Variants in SLC25A24 observed in about 807,000 individuals in gnomAD.
The protein encoded by SLC25A24 is solute carrier family 25 member 24, also known as mitochondrial adenyl nucleotide antiporter SLC25A24.
Under a neutral mutation model 60.7 loss-of-function variants are expected in SLC25A24, and 49 were observed. That is an observed-to-expected ratio of 0.81 (90% CI 0.64 to 1.02). The LOEUF (loss-of-function observed/expected upper bound fraction) is 1.02, where lower values mean the gene tolerates loss of function less well. Ranked by LOEUF, SLC25A24 falls within the 50% of genes least tolerant of loss-of-function variation. The pLI is 0.00. For synonymous variants in SLC25A24, 202 were observed against 200.6 expected, an observed-to-expected ratio of 1.01 and a Z score of -0.06; for missense variants, 564 against 586.3, an observed-to-expected ratio of 0.96 and a Z score of 0.39.
At chr1:108,194,178 C>T (rs1648426210) in intron 1 of SLC25A24, among the ~76,000 whole-genome samples, 1 of 138,736 alleles carries the variant, frequency 7.2e-6, no homozygotes, top group African/African-American at 2.5e-5. Context: ...CCTTGAAATA[C>T]TCATAGGTTT....
intron 3 of SLC25A24, among the ~76,000 whole-genome samples, chr1:108,180,785 A>G (rs1221427096): frequency 2.6e-5 from 4 of 152,084 alleles, no homozygotes; most frequent in Non-Finnish European, 5.9e-5. Context: ...CCTGTGAAAA[A>G]CTAAATTTCC....
chr1:108,173,900 C>G (rs562658573), intron 3 of SLC25A24, among the ~76,000 whole-genome samples: 2 of 152,224 alleles, frequency 1.3e-5, no homozygotes, highest in South Asian at 4.2e-4. Flanking sequence ...CTTTTTGCCC[C>G]TGCCCTAGAG....
chr1:108,161,131 T>A (rs751929493), intron 4 of SLC25A24, 51 bp downstream of exon 4: 5 of 1,005,836 alleles, frequency 5.0e-6, no homozygotes, highest in Non-Finnish European at 7.9e-6. Flanking sequence ...GTGATAACTG[T>A]ACCTATGGTT....
intron 4 of SLC25A24, 125 bp from the exon 5 acceptor site, chr1:108,157,745 T>A: frequency 9.7e-7 from 1 of 1,031,496 alleles, no homozygotes. Context: ...GAATTTATAC[T>A]AAACCAATTT....
In SLC25A24 at chr1:108,134,278, A is replaced by G. The variant is rs1679220172; in HGVS notation, c.*2375T>C. 1 of 152,230 alleles carries G rather than the reference A, an allele frequency of 6.6e-6. No homozygotes were observed. Among genetic ancestry groups the G allele is most frequent in the African/African-American group, 2.4e-5 (1 of 41,464 alleles). The allele number at this position is 152,230 out of a possible 1,614,324, so 9.4% of individuals were successfully genotyped here. On this transcript the variant is annotated 3_prime_UTR_variant, in exon 10 of 10. Transcript: ENST00000565488. ...ATCCAGGTAAGCAAGAAGCTTACAG[A>G]AATAACTGATAAGTTATTTCTGAAG...
At chr1:108,182,164 G>C in intron 2 of SLC25A24, 136 bp from the exon 3 acceptor site, 1 of 577,742 alleles carries the variant, frequency 1.7e-6, no homozygotes, top group Non-Finnish European at 3.1e-6. Context: ...GTGAGTTATA[G>C]ACTTGCTTAA....
chr1:108,167,759 G>A (rs374736393), intron 3 of SLC25A24, among the ~76,000 whole-genome samples: 12 of 152,192 alleles, frequency 7.9e-5, no homozygotes, highest in African/African-American at 2.2e-4. Context: ...CTTCTGCGTC[G>A]CTCACGCTGG....
Position 108,145,515 on chromosome 1 carries a change from G to A in SLC25A24, c.931-1805C>T, listed in dbSNP as rs145450016. 8.6e-4 allele frequency among the ~76,000 whole-genome samples: 131 copies of A among 151,958 alleles called. 2 individuals carry two copies. The highest frequency in any genetic ancestry group is 2.9e-3 in the African/African-American group (121 of 41,474). ...CCTGTGTCCTGAATGGTATTGCCTCGGTTTTTTTCTAGGGATTTTATAGTT... is the reference window on the plus strand; with the variant it reads ...CCTGTGTCCTGAATGGTATTGCCTCAGTTTTTTTCTAGGGATTTTATAGTT... On this transcript the variant is annotated intron_variant, in intron 7 of 9. Transcript: ENST00000565488.
chr1:108,161,303 TA>T lies in SLC25A24; in HGVS notation c.399-11del. On this transcript the variant is annotated splice_polypyrimidine_tract_variant and intron_variant, in intron 3 of 9. Transcript: ENST00000565488. ...CCCATCAACATCAATGCTGAAATTT[TA>T]AAAAAATGATCAAAGTACAAAACTA... The T allele has an allele frequency of 2.9e-6, 4 of 1,396,456 alleles. No individual in the cohort carries two copies. The highest frequency in any genetic ancestry group is 4.0e-6 in the Non-Finnish European group (4 of 990,174). The allele number at this position is 1,396,456 out of a possible 1,614,324, so 86.5% of individuals were successfully genotyped here.
Position 108,154,984 on chromosome 1 carries a change from T to C in SLC25A24, c.821A>G (p.Gln274Arg), listed in dbSNP as rs1395670291. Residue 274 changes from glutamine (Q) to arginine (R), a missense_variant and splice_region_variant, in exon 6 of 10, where the codon CAG (glutamine) becomes CGG (arginine). Coordinates refer to ENST00000565488, the MANE Select transcript of SLC25A24 (RefSeq NM_013386.5). ...ETAVKFWAYE[Q>R]YKKLLTEEGQ... ...AATTCCACGGGTGATAACAATTACCTGTTCATATGCCCAGAATTTAACAGC... is the reference window on the plus strand; with the variant it reads ...AATTCCACGGGTGATAACAATTACCCGTTCATATGCCCAGAATTTAACAGC... 3.1e-6 allele frequency: 5 copies of C among 1,605,492 alleles called. No homozygotes were observed. In the Admixed American group the frequency reaches 8.6e-5, roughly 28 times the overall value.
chr1:108,192,816 T>C, intron 1 of SLC25A24: 1 of 1,242,892 alleles, frequency 8.0e-7, no homozygotes. Flanking sequence ...TCCTAACGGC[T>C]TCAGCGCAAA....
intron 1 of SLC25A24, chr1:108,192,482 C>A: frequency 6.8e-7 from 1 of 1,468,476 alleles, no homozygotes; most frequent in Non-Finnish European, 9.2e-7. Context: ...GATTACAGCC[C>A]CAGTGAGACC....
At position 108,159,475 on chromosome 1, in the gene SLC25A24, T is replaced by C. The variant is rs934440241; in HGVS notation, c.510+1707A>G. On this transcript the variant is annotated intron_variant, in intron 4 of 9. Coordinates refer to ENST00000565488, the MANE Select transcript of SLC25A24 (RefSeq NM_013386.5). Reference sequence around the variant, plus strand: ...TGCAGTCTTGGGTTGTTTTTTTTTTTTTTTTTTTAATTGATCATTCTTGGG... The same window carrying C: ...TGCAGTCTTGGGTTGTTTTTTTTTTCTTTTTTTTAATTGATCATTCTTGGG... 2.0e-5 allele frequency among the ~76,000 whole-genome samples: 3 copies of C among 151,412 alleles called. No individual in the cohort carries two copies. In the East Asian group the frequency reaches 5.8e-4, roughly 29 times the overall value.
At position 108,173,591 on chromosome 1, in the gene SLC25A24, C is replaced by T. The variant is rs576647287; in HGVS notation, c.398+8350G>A. 2.6e-5 allele frequency among the ~76,000 whole-genome samples: 4 copies of T among 152,182 alleles called. No individual in the cohort carries two copies. The South Asian group carries it at 8.3e-4, about 32-fold the overall frequency. ...GGAGTTGGGTGCTACTATAAGGATA[C>T]CCAAAAATATGGAACTGACTTTGGA... On this transcript the variant is annotated intron_variant, in intron 3 of 9. Transcript: ENST00000565488.
At chr1:108,173,723 G>T (rs369538636) in intron 3 of SLC25A24, among the ~76,000 whole-genome samples, 2 of 152,204 alleles carry the variant, frequency 1.3e-5, no homozygotes. Context: ...AAAAGAGGTG[G>T]GAAAGTTTGT....
intron 9 of SLC25A24, among the ~76,000 whole-genome samples, chr1:108,138,263 T>C (rs1041363261): frequency 2.3e-4 from 35 of 152,172 alleles, no homozygotes; most frequent in Non-Finnish European, 2.9e-5. Flanking sequence ...GGACAATGGC[T>C]CAGGGAGTAT....
intron 5 of SLC25A24, among the ~76,000 whole-genome samples, chr1:108,155,965 AC>A (rs1235873335): frequency 3.3e-5 from 5 of 151,926 alleles, no homozygotes; most frequent in Non-Finnish European, 7.4e-5. Context: ...ACACACACAC[AC>A]ACACACACAC....
chr1:108,156,036 G>A (rs829001), intron 5 of SLC25A24, among the ~76,000 whole-genome samples: 30,291 of 151,814 alleles, frequency 0.2, 3,158 homozygotes, highest in Admixed American at 0.22. Flanking sequence ...GTATGAAAAC[G>A]GGCCCCAATA....
intron 6 of SLC25A24, among the ~76,000 whole-genome samples, chr1:108,154,761 A>T (rs1018477493): frequency 3.9e-5 from 6 of 152,172 alleles, no homozygotes; most frequent in African/African-American, 1.4e-4. Flanking sequence ...GAAAAAAAAA[A>T]CTTTATAAAT....
Sources: allele counts gnomAD v4.1 joint callset (sites outside exome capture counted in the v4.1 genomes callset), GRCh38; gene constraint gnomAD v4.1.1; transcripts MANE v1.5; gene names NCBI Gene and HGNC (gene_info 2026-07-23, HGNC 2026-07-21).